ARHGEF3: variants seen among roughly 807,000 people sequenced by gnomAD.
ARHGEF3 encodes the protein 59.8 kDA protein.
Under a neutral mutation model 63.2 loss-of-function variants are expected in ARHGEF3, and 28 were observed. The ratio of observed to expected loss-of-function variants is 0.44; its 90% confidence interval spans 0.33 to 0.61. The LOEUF is 0.61. ARHGEF3 is among the 20% of genes least tolerant of loss of function. The pLI is 0.03. For synonymous variants in ARHGEF3, 266 were observed against 254.2 expected (o/e 1.05, Z -0.44); for missense variants, 533 against 659.3 (o/e 0.81, Z 2.10).
Position 56,861,300 on chromosome 3 carries a change from G to A in ARHGEF3, c.192+20992C>T, listed in dbSNP as rs1020113060. ...GGTGGGACATGGAGGAGTCTTAGGG[G>A]CCATCTAACTTTGAAGAAGTCAAAG... On this transcript the variant is annotated intron_variant, in intron 4 of 12. Coordinates refer to the ARHGEF3 transcript ENST00000338458. 3.9e-5 allele frequency among the ~76,000 whole-genome samples: 6 copies of A among 152,078 alleles called. No homozygotes were observed. The East Asian group carries it at 5.8e-4, about 15-fold the overall frequency.
At chr3:57,011,920 C>T (rs149445703) in intron 2 of ARHGEF3, among the ~76,000 whole-genome samples, 2 of 152,222 alleles carry the variant, frequency 1.3e-5, no homozygotes, top group East Asian at 1.9e-4. Context: ...TGAGGAGAAG[C>T]GGTGGGGTCT....
intron 8 of ARHGEF3, 100 bp from the exon 9 acceptor site, chr3:56,732,524 A>C (rs2033246069): frequency 4.4e-6 from 6 of 1,363,118 alleles, no homozygotes; most frequent in East Asian, 2.3e-5. Context: ...TACCAGGTTC[A>C]CACTGGATTA....
intron 2 of ARHGEF3, among the ~76,000 whole-genome samples, chr3:57,014,018 C>T (rs1024055258): frequency 2.0e-4 from 30 of 152,284 alleles, no homozygotes; most frequent in African/African-American, 5.3e-4. Context: ...TCTGCACTGC[C>T]TTTATGAGCT....
chr3:57,055,874 A>G (rs1057080166), intron 1 of ARHGEF3, among the ~76,000 whole-genome samples: 17 of 152,250 alleles, frequency 1.1e-4, no homozygotes, highest in Admixed American at 2.6e-4. Context: ...ACAACTTTCC[A>G]TAAGTCCATT....
At chr3:56,730,110 G>A (rs2107676470) in intron 9 of ARHGEF3, among the ~76,000 whole-genome samples, 1 of 152,274 alleles carries the variant, frequency 6.6e-6, no homozygotes, top group Non-Finnish European at 1.5e-5. Flanking sequence ...TAGAGATTCT[G>A]ATTCAGAAGA....
At chr3:57,063,257 A>G (rs1375299675) in intron 1 of ARHGEF3, among the ~76,000 whole-genome samples, 1 of 150,804 alleles carries the variant, frequency 6.6e-6, no homozygotes, top group African/African-American at 2.5e-5. Context: ...GTCAGAGAGG[A>G]AATGCAGCCA....
intron 3 of ARHGEF3, among the ~76,000 whole-genome samples, chr3:56,944,295 A>T (rs889784511): frequency 2.0e-5 from 3 of 152,224 alleles, no homozygotes; most frequent in Non-Finnish European, 4.4e-5. Context: ...AGGATTCACC[A>T]TTCTAGATGC....
At chr3:56,761,430 C>G (rs992217581) in intron 2 of ARHGEF3, among the ~76,000 whole-genome samples, 3 of 152,130 alleles carry the variant, frequency 2.0e-5, no homozygotes, top group African/African-American at 7.2e-5. Context: ...TCTACACACC[C>G]TCTGCCCTTC....
At chr3:56,969,155 A>C (rs1462362461) in intron 2 of ARHGEF3, among the ~76,000 whole-genome samples, 1 of 150,532 alleles carries the variant, frequency 6.6e-6, no homozygotes, top group African/African-American at 2.4e-5. Flanking sequence ...CTACTTGAAC[A>C]AAGCAACAAA....
chr3:56,959,218 C>T (rs901188852), intron 2 of ARHGEF3, among the ~76,000 whole-genome samples: 1 of 152,200 alleles, frequency 6.6e-6, no homozygotes, highest in African/African-American at 2.4e-5. Flanking sequence ...GACTCAATTC[C>T]CACATGGACA....
At chr3:57,028,692 TAA>T (rs61646211) in intron 2 of ARHGEF3, among the ~76,000 whole-genome samples, 11 of 139,766 alleles carry the variant, frequency 7.9e-5, no homozygotes, top group East Asian at 2.1e-4. Flanking sequence ...TAAAGTATAA[TAA>T]AAAAAAAATA....
intron 3 of ARHGEF3, among the ~76,000 whole-genome samples, chr3:56,957,207 C>G (rs1700081572): frequency 6.6e-6 from 1 of 152,208 alleles, no homozygotes; most frequent in Non-Finnish European, 1.5e-5. Flanking sequence ...GAAGTCAACA[C>G]ATTTCTCTTT....
intron 2 of ARHGEF3, among the ~76,000 whole-genome samples, chr3:56,989,611 T>C (rs1159084257): frequency 2.0e-5 from 3 of 152,180 alleles, no homozygotes; most frequent in Non-Finnish European, 4.4e-5. Flanking sequence ...ATCCAGCCTG[T>C]GACACACGCC....
intron 4 of ARHGEF3, among the ~76,000 whole-genome samples, chr3:56,820,321 T>G (rs1485649937): frequency 6.6e-6 from 1 of 152,114 alleles, no homozygotes; most frequent in Non-Finnish European, 1.5e-5. Flanking sequence ...AAGATGCTTA[T>G]CAAACCTCCA....
At chr3:56,969,789 C>T (rs926182103) in intron 2 of ARHGEF3, among the ~76,000 whole-genome samples, 7 of 149,708 alleles carry the variant, frequency 4.7e-5, no homozygotes, top group Non-Finnish European at 1.0e-4. Context: ...AGAAAAGGTA[C>T]ATATGAAACG....
At chr3:57,009,259 A>AT (rs1427036620) in intron 2 of ARHGEF3, among the ~76,000 whole-genome samples, 1 of 152,182 alleles carries the variant, frequency 6.6e-6, no homozygotes, top group African/African-American at 2.4e-5. Flanking sequence ...AAAATTTTTT[A>AT]TTTAAAAAAA....
In ARHGEF3 at chr3:56,930,010, G is replaced by A. The variant is rs74665597; in HGVS notation, c.129+28813C>T. Among the ~76,000 whole-genome samples the A allele has an allele frequency of 5.9e-3, 891 of 151,936 alleles. 9 individuals carry two copies. The highest frequency in any genetic ancestry group is 0.02 in the African/African-American group (847 of 41,502). ...ACTCTTGGGTGGCCAGCCCATTGCA[G>A]TGCAGCCACATTCCTGAGTCTGGGT... On this transcript the variant is annotated intron_variant, in intron 3 of 12. Transcript: ENST00000338458.
intron 1 of ARHGEF3, among the ~76,000 whole-genome samples, chr3:56,797,062 G>A (rs905672559): frequency 1.3e-5 from 2 of 152,094 alleles, no homozygotes; most frequent in Non-Finnish European, 2.9e-5. Context: ...AGGCACTATG[G>A]TTAGCGCTGT....
chr3:56,978,619 G>A (rs560243088), intron 2 of ARHGEF3, among the ~76,000 whole-genome samples: 1 of 152,314 alleles, frequency 6.6e-6, no homozygotes, highest in African/African-American at 2.4e-5. Context: ...GAAAGAATGT[G>A]GAGAAAACAG....
Sources: gnomAD v4.1 joint callset for allele counts (sites outside exome capture counted in the v4.1 genomes callset) on GRCh38, gnomAD v4.1.1 for gene constraint, MANE v1.5 for transcripts, NCBI Gene and HGNC (gene_info 2026-07-23, HGNC 2026-07-21) for gene names.